ZRANB3: variants seen among roughly 807,000 people sequenced by gnomAD.
ZRANB3 encodes DNA annealing helicase and endonuclease ZRANB3.
In ZRANB3, 125 loss-of-function variants were observed where a neutral mutation model predicts 133.8. That is an observed-to-expected ratio of 0.93 (90% CI 0.81 to 1.08). The LOEUF (loss-of-function observed/expected upper bound fraction) is 1.08, where lower values mean the gene tolerates loss of function less well. Among genes scored for constraint, ZRANB3 ranks in the 50% least tolerant of loss-of-function variants. The probability of loss-of-function intolerance (pLI) is 0.00; values close to 1 mark genes in which losing one functional copy is unlikely to be tolerated. For missense variants in ZRANB3, 1,229 were observed against 1,275.5 expected, an observed-to-expected ratio of 0.96 and a Z score of 0.56; for synonymous variants, 387 against 432.7, an observed-to-expected ratio of 0.89 and a Z score of 1.31.
Position 135,202,812 on chromosome 2 carries a change from T to G in ZRANB3, c.3141+20A>C. On this transcript the variant is annotated intron_variant, in intron 20 of 20. Transcript: ENST00000264159. ...TGACTTCTCAGGATGCAGTCAAAGC[T>G]ATATGAGAGCTTCACTGACCTCTTT... The G allele has an allele frequency of 6.3e-7, 1 of 1,598,946 alleles. No individual in the cohort carries two copies. Among genetic ancestry groups the G allele is most frequent in the South Asian group, 1.1e-5 (1 of 88,042 alleles).
chr2:135,417,620 C>G (rs1002854317), intron 2 of ZRANB3, among the ~76,000 whole-genome samples: 1 of 152,138 alleles, frequency 6.6e-6, no homozygotes, highest in Non-Finnish European at 1.5e-5. Flanking sequence ...GGCATATACC[C>G]AAAGGACTAT....
chr2:135,332,791 C>T (rs986697160), intron 6 of ZRANB3, among the ~76,000 whole-genome samples: 4 of 152,184 alleles, frequency 2.6e-5, no homozygotes, highest in African/African-American at 9.7e-5. Context: ...ACATTTCAGT[C>T]AACTGACTCC....
intron 6 of ZRANB3, among the ~76,000 whole-genome samples, chr2:135,317,165 T>C (rs1181423762): frequency 6.6e-6 from 1 of 151,988 alleles, no homozygotes; most frequent in Non-Finnish European, 1.5e-5. Context: ...TGCTTATAAT[T>C]GTTATAAATT....
intron 12 of ZRANB3, among the ~76,000 whole-genome samples, chr2:135,235,965 G>A (rs1051021236): frequency 6.6e-6 from 1 of 152,240 alleles, no homozygotes; most frequent in Non-Finnish European, 1.5e-5. Context: ...AGGAAAAAAA[G>A]GGCATTCAAT....
intron 3 of ZRANB3, among the ~76,000 whole-genome samples, chr2:135,385,629 C>A (rs1170173339): frequency 6.6e-6 from 1 of 152,072 alleles, no homozygotes; most frequent in African/African-American, 2.4e-5. Context: ...GGTAGTGGTA[C>A]CAAAACAGAT....
At chr2:135,213,894 CG>C (rs1694202037) in intron 17 of ZRANB3, among the ~76,000 whole-genome samples, 1 of 152,068 alleles carries the variant, frequency 6.6e-6, no homozygotes, top group African/African-American at 2.4e-5. Context: ...AAGCAGAAGA[CG>C]AAGGCAGAGA....
intron 12 of ZRANB3, 92 bp downstream of exon 12, chr2:135,265,442 A>G (rs981894330): frequency 7.5e-7 from 1 of 1,327,572 alleles, no homozygotes; most frequent in Admixed American, 3.0e-5. Context: ...AACACCATAA[A>G]TAATTGAGAG....
intron 2 of ZRANB3, among the ~76,000 whole-genome samples, chr2:135,420,591 A>G (rs944092291): frequency 6.6e-6 from 1 of 152,162 alleles, no homozygotes; most frequent in Non-Finnish European, 1.5e-5. Flanking sequence ...TTGAGCTAAT[A>G]TCCTACTTCT....
intron 9 of ZRANB3, among the ~76,000 whole-genome samples, chr2:135,272,430 T>TTTTTTTTTTTTTTTTTTTTTTTTTTTTC (rs1680568473): frequency 6.8e-6 from 1 of 147,760 alleles, no homozygotes; most frequent in Non-Finnish European, 1.5e-5. Flanking sequence ...TTTTTTTTTT[T>TTTTTTTTTTTTTTTTTTTTTTTTTTTTC]TTGTGACGGA....
intron 5 of ZRANB3, among the ~76,000 whole-genome samples, chr2:135,348,244 G>C (rs1426535869): frequency 1.3e-5 from 2 of 150,668 alleles, no homozygotes; most frequent in Non-Finnish European, 2.9e-5. Context: ...GGGCAACAGA[G>C]TGAGACTCTG....
intron 8 of ZRANB3, among the ~76,000 whole-genome samples, chr2:135,295,035 G>C (rs1558894713): frequency 1.3e-5 from 2 of 152,032 alleles, no homozygotes; most frequent in East Asian, 3.9e-4. Flanking sequence ...TTAATTTTGG[G>C]ATAGGTGTGG....
chr2:135,347,110 T>C (rs1030502971), intron 5 of ZRANB3, among the ~76,000 whole-genome samples: 17 of 152,224 alleles, frequency 1.1e-4, no homozygotes, highest in Admixed American at 2.6e-4. Flanking sequence ...TTGTAACACA[T>C]ATAGTATTTT....
Position 135,522,542 on chromosome 2 carries a change from G to A in ZRANB3, c.-8+8585C>T, listed in dbSNP as rs552207279. ...TGGCCAGGCAAGGTAGCTCACGCCT[G>A]TAATCCCAGCACTTTGGGAGGCCGA... On this transcript the variant is annotated intron_variant, in intron 1 of 20. Transcript: ENST00000264159. 7.2e-5 allele frequency among the ~76,000 whole-genome samples: 11 copies of A among 152,246 alleles called. No individual in the cohort carries two copies. The South Asian group carries it at 1.9e-3, about 26-fold the overall frequency.
intron 12 of ZRANB3, among the ~76,000 whole-genome samples, chr2:135,253,503 T>C (rs987095977): frequency 1.3e-5 from 2 of 152,166 alleles, no homozygotes; most frequent in Admixed American, 6.5e-5. Context: ...TTAGGTGATT[T>C]TGCAGTTGTA....
At chr2:135,453,656 C>T (rs1368860640) in intron 2 of ZRANB3, among the ~76,000 whole-genome samples, 1 of 152,190 alleles carries the variant, frequency 6.6e-6, no homozygotes, top group Non-Finnish European at 1.5e-5. Flanking sequence ...CACCTTTGCT[C>T]CAATTCCCAA....
chr2:135,447,188 G>A (rs973514365), intron 2 of ZRANB3, among the ~76,000 whole-genome samples: 1 of 152,028 alleles, frequency 6.6e-6, no homozygotes, highest in African/African-American at 2.4e-5. Flanking sequence ...TTACAGGCGC[G>A]CCACCAAACC....
chr2:135,258,934 A>C (rs2105104233), intron 12 of ZRANB3, among the ~76,000 whole-genome samples: 1 of 152,344 alleles, frequency 6.6e-6, no homozygotes, highest in South Asian at 2.1e-4. Context: ...TATATACGAG[A>C]CATTTTTAAC....
intron 2 of ZRANB3, among the ~76,000 whole-genome samples, chr2:135,422,880 T>C (rs1688919224): frequency 6.6e-6 from 1 of 152,220 alleles, no homozygotes; most frequent in African/African-American, 2.4e-5. Context: ...CAAGGGCTAC[T>C]GTAAAAAAGT....
chr2:135,477,526 G>A (rs1413270788), intron 2 of ZRANB3, among the ~76,000 whole-genome samples: 1 of 152,170 alleles, frequency 6.6e-6, no homozygotes, highest in Non-Finnish European at 1.5e-5. Context: ...GTTCTCTCAG[G>A]CCTAGGAATG....
Sources: allele counts gnomAD v4.1 joint callset (sites outside exome capture counted in the v4.1 genomes callset), GRCh38; gene constraint gnomAD v4.1.1; transcripts MANE v1.5; gene names NCBI Gene and HGNC (gene_info 2026-07-23, HGNC 2026-07-21).